PARM1: variants seen among roughly 807,000 people sequenced by gnomAD.
PARM1 encodes the protein prostate androgen-regulated mucin-like protein 1, also known as WSC4, cell wall integrity and stress response component 4 homolog.
A neutral mutation model predicts 24.6 loss-of-function variants in PARM1; 14 were observed. The observed-to-expected ratio is 0.57, with a 90% CI of 0.38 to 0.89. The LOEUF (loss-of-function observed/expected upper bound fraction) is 0.89. Among genes scored for constraint, PARM1 ranks in the 40% least tolerant of loss-of-function variants. The pLI is 0.00. For synonymous variants in PARM1, 179 were observed against 156.6 expected, an observed-to-expected ratio of 1.14 and a Z score of -1.07; for missense variants, 362 against 380.4, an observed-to-expected ratio of 0.95 and a Z score of 0.40.
chr4:74,991,886 C>A (rs1203087612), intron 1 of PARM1, among the ~76,000 whole-genome samples: 1 of 152,126 alleles, frequency 6.6e-6, no homozygotes, highest in Non-Finnish European at 1.5e-5. Context: ...AACAAAAAAA[C>A]AATCCCAGGA....
intron 3 of PARM1, among the ~76,000 whole-genome samples, chr4:75,045,764 T>C (rs1723589781): frequency 6.6e-6 from 1 of 152,222 alleles, no homozygotes; most frequent in African/African-American, 2.4e-5. Flanking sequence ...GCAACAGTGG[T>C]TGTGGTTGTG....
intron 3 of PARM1, among the ~76,000 whole-genome samples, chr4:75,042,951 A>G (rs1723526283): frequency 1.3e-5 from 2 of 151,992 alleles, no homozygotes; most frequent in Admixed American, 6.6e-5. Context: ...GGGAAGGAAA[A>G]AAAAAAAAAC....
At chr4:74,937,652 A>G (rs549785919) in intron 1 of PARM1, among the ~76,000 whole-genome samples, 9 of 152,362 alleles carry the variant, frequency 5.9e-5, no homozygotes, top group African/African-American at 1.9e-4. Flanking sequence ...CAAATGCTCA[A>G]TAAGTGTTAG....
intron 2 of PARM1, among the ~76,000 whole-genome samples, chr4:75,030,888 A>G (rs1723263030): frequency 6.6e-6 from 1 of 152,162 alleles, no homozygotes; most frequent in Non-Finnish European, 1.5e-5. Context: ...TCATATTGAA[A>G]AATGTAAGAG....
chr4:74,933,481 G>T, intron 1 of PARM1, 111 bp downstream of exon 1: 1 of 882,798 alleles, frequency 1.1e-6, no homozygotes. Context: ...GCGCGCCTCC[G>T]GGTGAGTGCG....
chr4:75,035,706 G>GT (rs1723356448), intron 3 of PARM1, among the ~76,000 whole-genome samples: 1 of 152,150 alleles, frequency 6.6e-6, no homozygotes, highest in Non-Finnish European at 1.5e-5. Context: ...AATGTCAAGT[G>GT]TGAGAGTGCC....
At chr4:74,938,252 C>T (rs1721233371) in intron 1 of PARM1, among the ~76,000 whole-genome samples, 1 of 152,016 alleles carries the variant, frequency 6.6e-6, no homozygotes, top group Admixed American at 6.5e-5. Context: ...AATAATTTAC[C>T]CTAAGGGGAT....
intron 3 of PARM1, among the ~76,000 whole-genome samples, chr4:75,036,020 T>C (rs1723363375): frequency 6.6e-6 from 1 of 152,228 alleles, no homozygotes; most frequent in Admixed American, 6.5e-5. Context: ...TATGAACTAC[T>C]CTGGGAACCT....
chr4:74,978,430 C>T (rs1361335607), intron 1 of PARM1, among the ~76,000 whole-genome samples: 4 of 152,168 alleles, frequency 2.6e-5, no homozygotes, highest in Admixed American at 2.6e-4. Context: ...AATATATTTG[C>T]ACCCAATACA....
At chr4:74,952,284 T>G (rs1166059624) in intron 1 of PARM1, among the ~76,000 whole-genome samples, 1 of 152,196 alleles carries the variant, frequency 6.6e-6, no homozygotes, top group South Asian at 2.1e-4. Flanking sequence ...TTAATGGGGT[T>G]GTTTATTTTT....
intron 1 of PARM1, among the ~76,000 whole-genome samples, chr4:75,006,210 G>A (rs1722765044): frequency 6.6e-6 from 1 of 152,040 alleles, no homozygotes; most frequent in Non-Finnish European, 1.5e-5. Context: ...TGTTACATAT[G>A]TATACATGTG....
chr4:74,981,768 A>C (rs1176104329), intron 1 of PARM1, among the ~76,000 whole-genome samples: 1 of 151,556 alleles, frequency 6.6e-6, no homozygotes, highest in Non-Finnish European at 1.5e-5. Flanking sequence ...CCAGCTACTC[A>C]GGAGGCTGAG....
intron 3 of PARM1, 86 bp downstream of exon 3, chr4:75,034,047 T>A: frequency 9.5e-7 from 1 of 1,052,556 alleles, no homozygotes; most frequent in Non-Finnish European, 1.4e-6. Context: ...ACTTGTTCCT[T>A]AATAGGTATC....
At chr4:75,014,498 A>G (rs566960828) in intron 2 of PARM1, among the ~76,000 whole-genome samples, 1 of 152,142 alleles carries the variant, frequency 6.6e-6, no homozygotes, top group South Asian at 2.1e-4. Context: ...AGAACCCAGA[A>G]GGAGAGGCCC....
At chr4:75,013,201 G>A (rs982799215) in intron 2 of PARM1, 51 bp downstream of exon 2, 2 of 1,546,464 alleles carry the variant, frequency 1.3e-6, no homozygotes, top group African/African-American at 1.4e-5. Context: ...CTCACATTAA[G>A]AATGCAGTTC....
At chr4:75,034,534 T>A (rs1723332789) in intron 3 of PARM1, among the ~76,000 whole-genome samples, 1 of 152,224 alleles carries the variant, frequency 6.6e-6, no homozygotes, top group African/African-American at 2.4e-5. Context: ...TGAAATGAAG[T>A]GATAGTAGCT....
At position 74,968,441 on chromosome 4, in the gene PARM1, G is replaced by A. The variant is rs1449456386; in HGVS notation, c.43+35071G>A. Among the ~76,000 whole-genome samples, 3 of 152,306 alleles carry A rather than the reference G, an allele frequency of 2.0e-5. No individual in the cohort carries two copies. In the South Asian group the frequency reaches 6.2e-4, roughly 32 times the overall value. The stretch of plus-strand genomic sequence containing the variant: ...ATAAGGATGCTGTAGTCTCTAATAA[G>A]ACTTCAGCACTTCCTGAATTCTATA... On this transcript the variant is annotated intron_variant, in intron 1 of 3. Transcript: ENST00000307428.
intron 1 of PARM1, chr4:74,994,329 G>A (rs1402892486): frequency 6.6e-6 from 1 of 152,166 alleles, no homozygotes; most frequent in Non-Finnish European, 1.5e-5. Context: ...GCCTTAAAAT[G>A]GACACTGTTG....
At chr4:74,934,943 TAACA>T (rs958696770) in intron 1 of PARM1, among the ~76,000 whole-genome samples, 12 of 151,918 alleles carry the variant, frequency 7.9e-5, no homozygotes, top group South Asian at 6.2e-4. Context: ...GGATTAACCC[TAACA>T]AACAGTGTAT....
Sources: gnomAD v4.1 joint callset for allele counts (sites outside exome capture counted in the v4.1 genomes callset) on GRCh38, gnomAD v4.1.1 for gene constraint, MANE v1.5 for transcripts, NCBI Gene and HGNC (gene_info 2026-07-23, HGNC 2026-07-21) for gene names.